The following PTPRG variants were observed in gnomAD, a reference collection of about 807,000 sequenced individuals.
The protein encoded by PTPRG is protein tyrosine phosphatase receptor type G.
PTPRG carries 102 observed loss-of-function variants against 165.3 expected under a neutral mutation model. The observed-to-expected ratio is 0.62, with a 90% confidence interval of 0.53 to 0.73. The LOEUF is 0.73. Among genes scored for constraint, PTPRG ranks in the 30% least tolerant of loss-of-function variants. PTPRG has a pLI of 0.00. For synonymous variants in PTPRG, 675 were observed against 669.5 expected, an observed-to-expected ratio of 1.01 and a Z score of -0.13; for missense variants, 1,866 against 1,861.4, an observed-to-expected ratio of 1.00 and a Z score of -0.05.
intron 4 of PTPRG, among the ~76,000 whole-genome samples, chr3:62,052,439 A>G (rs1379524673): frequency 6.6e-6 from 1 of 152,222 alleles, no homozygotes; most frequent in Non-Finnish European, 1.5e-5. Flanking sequence ...TGATGCCTGT[A>G]ATCCCAGTGC....
At chr3:62,146,967 T>G (rs771940271) in intron 6 of PTPRG, among the ~76,000 whole-genome samples, 2 of 152,166 alleles carry the variant, frequency 1.3e-5, no homozygotes, top group African/African-American at 2.4e-5. Context: ...AAGTGCTACG[T>G]TGGGTGCTGG....
At chr3:61,614,519 G>A (rs1018017224) in intron 1 of PTPRG, among the ~76,000 whole-genome samples, 3 of 141,720 alleles carry the variant, frequency 2.1e-5, no homozygotes, top group Non-Finnish European at 3.0e-5. Flanking sequence ...AAGTGATCCT[G>A]CCACCTCAGC....
At chr3:61,872,183 C>G (rs2037603553) in intron 2 of PTPRG, among the ~76,000 whole-genome samples, 1 of 152,188 alleles carries the variant, frequency 6.6e-6, no homozygotes, top group Non-Finnish European at 1.5e-5. Context: ...GATAGCTTCT[C>G]TACTACAGCT....
chr3:62,064,881 G>A (rs1420466141), intron 4 of PTPRG, among the ~76,000 whole-genome samples: 2 of 151,916 alleles, frequency 1.3e-5, no homozygotes, highest in African/African-American at 4.8e-5. Flanking sequence ...ACAGGCGCGT[G>A]CCACCACGCC....
At chr3:62,230,325 A>C (rs1700870367) in intron 13 of PTPRG, among the ~76,000 whole-genome samples, 1 of 152,226 alleles carries the variant, frequency 6.6e-6, no homozygotes. Flanking sequence ...ATAGTTAACA[A>C]AATGTTAACT....
chr3:61,599,206 A>G (rs912675106), intron 1 of PTPRG, among the ~76,000 whole-genome samples: 3 of 152,062 alleles, frequency 2.0e-5, no homozygotes, highest in Non-Finnish European at 2.9e-5. Flanking sequence ...GTGCAGTGCA[A>G]TGACTCGATT....
chr3:62,282,872 A>T lies in PTPRG; in HGVS notation c.4055+3A>T. The stretch of plus-strand genomic sequence containing the variant: ...GGTCCCACCATTGTTCATGATGAGT[A>T]TGTATCTGTTTCTTAATTTTAAAAT... On this transcript the variant is annotated splice_donor_region_variant and intron_variant, in intron 28 of 29. Coordinates refer to ENST00000474889, the MANE Select transcript of PTPRG (RefSeq NM_002841.4). 1 of 1,593,066 alleles carries T rather than the reference A, an allele frequency of 6.3e-7. No homozygotes were observed.
Position 62,281,537 on chromosome 3 carries a change from G to GTTTTTTTTTTTTTTTTTTTTTTTTTTTTT in PTPRG, c.3766-26_3766-25insTTTTTTTTTTTTTTTTTTTTTTTTTTTTT, listed in dbSNP as rs778994257. On this transcript the variant is annotated intron_variant, in intron 26 of 29. Transcript: ENST00000474889. ...ACAAATCCTTGACAGAACTGCAGAG[G>GTTTTTTTTTTTTTTTTTTTTTTTTTTTTT]CTTTTTTTTTTTTTGGATTCCAAAG... is the stretch of plus-strand genomic sequence containing the variant. 17 of 175,016 alleles carry GTTTTTTTTTTTTTTTTTTTTTTTTTTTTT rather than the reference G, an allele frequency of 9.7e-5. 1 individual carries two copies. The highest frequency in any genetic ancestry group is 9.0e-4 in the African/African-American group (7 of 7,756). The allele number at this position is 175,016 out of a possible 1,614,324, so 10.8% of individuals were successfully genotyped here.
In PTPRG at chr3:62,218,855, A is replaced by G. The variant is rs1308356820; in HGVS notation, c.2160A>G (p.Glu720=). 1 of 1,612,420 alleles carries G rather than the reference A, an allele frequency of 6.2e-7. No homozygotes were observed. The highest frequency in any genetic ancestry group is 1.7e-4 in the Middle Eastern group (1 of 6,042). The change falls in exon 13 of 30, where the codon GAA becomes GAG. Residue 720 remains glutamate (E), a synonymous_variant. Coordinates refer to ENST00000474889, the MANE Select transcript of PTPRG (RefSeq NM_002841.4). ...DSRFITVNPA[E]KNTSGMISRP... is the part of the protein sequence containing the mutation. ...TGGGATGATTTCTCTTGGCAGCGGAAAAAAACACCTCTGGAATGATAAGCC... is the reference window on the plus strand; with the variant it reads ...TGGGATGATTTCTCTTGGCAGCGGAGAAAAACACCTCTGGAATGATAAGCC...
chr3:62,070,095 T>C (rs1701161022), intron 4 of PTPRG, among the ~76,000 whole-genome samples: 1 of 152,370 alleles, frequency 6.6e-6, no homozygotes, highest in East Asian at 1.9e-4. Flanking sequence ...ATGTATAATG[T>C]ATATTTATCA....
At chr3:62,177,957 T>C (rs1237347693) in intron 8 of PTPRG, among the ~76,000 whole-genome samples, 1 of 151,954 alleles carries the variant, frequency 6.6e-6, no homozygotes, top group African/African-American at 2.4e-5. Flanking sequence ...GGGGTGAGAC[T>C]TTTCCTTTTC....
At chr3:61,821,413 C>T (rs905986177) in intron 2 of PTPRG, among the ~76,000 whole-genome samples, 54 of 152,326 alleles carry the variant, frequency 3.5e-4, no homozygotes, top group East Asian at 2.7e-3. Flanking sequence ...TCGTGATCCA[C>T]CCGCCTCGGC....
intron 2 of PTPRG, among the ~76,000 whole-genome samples, chr3:61,961,374 CAT>C (rs997528992): frequency 3.3e-5 from 5 of 152,146 alleles, no homozygotes; most frequent in East Asian, 3.9e-4. Context: ...TGGGGATAAA[CAT>C]GTGGTTGCAG....
chr3:61,958,281 C>A (rs2040078695), intron 2 of PTPRG, among the ~76,000 whole-genome samples: 1 of 152,094 alleles, frequency 6.6e-6, no homozygotes, highest in Non-Finnish European at 1.5e-5. Context: ...TTCGTGCCAC[C>A]ACACCAGGCT....
chr3:61,703,964 A>C (rs888806158), intron 1 of PTPRG, among the ~76,000 whole-genome samples: 32 of 152,186 alleles, frequency 2.1e-4, no homozygotes, highest in African/African-American at 7.2e-4. Context: ...CACACTTTAA[A>C]TAACTTATCT....
chr3:62,065,960 C>G (rs545140365), intron 4 of PTPRG, among the ~76,000 whole-genome samples: 1 of 152,274 alleles, frequency 6.6e-6, no homozygotes, highest in South Asian at 2.1e-4. Flanking sequence ...GATGTGTGTT[C>G]TCAGAAATGT....
chr3:61,654,169 C>G (rs1702445602), intron 1 of PTPRG, among the ~76,000 whole-genome samples: 1 of 152,128 alleles, frequency 6.6e-6, no homozygotes, highest in Non-Finnish European at 1.5e-5. Flanking sequence ...ACCGTGGAGT[C>G]TGGGATGTGG....
rs564934768 is a variant in PTPRG at position 61,902,280 on chromosome 3, G to A, written c.191-87345G>A. Among the ~76,000 whole-genome samples, 7 of 152,274 alleles carry A rather than the reference G, an allele frequency of 4.6e-5. No individual in the cohort carries two copies. In the East Asian group the frequency reaches 1.3e-3, roughly 29 times the overall value. On this transcript the variant is annotated intron_variant, in intron 2 of 29. Transcript: ENST00000474889. Reference sequence around the variant, plus strand: ...CTGCCTGCTTGTTTGGAAAGAATTAGGTGGGAGAACATGCTGAGAGCTACT... The same window carrying A: ...CTGCCTGCTTGTTTGGAAAGAATTAAGTGGGAGAACATGCTGAGAGCTACT...
At chr3:62,033,776 C>A (rs1038052281) in intron 4 of PTPRG, among the ~76,000 whole-genome samples, 2 of 151,926 alleles carry the variant, frequency 1.3e-5, no homozygotes, top group African/African-American at 4.8e-5. Flanking sequence ...ACTGATGATT[C>A]TTCTTTTTTG....
Sources: gnomAD v4.1 joint callset for allele counts (sites outside exome capture counted in the v4.1 genomes callset) on GRCh38, gnomAD v4.1.1 for gene constraint, MANE v1.5 for transcripts, NCBI Gene and HGNC (gene_info 2026-07-23, HGNC 2026-07-21) for gene names.